The following SLC8A3 variants were observed in gnomAD, a reference collection of about 807,000 sequenced individuals.
The protein encoded by SLC8A3 is sodium/calcium exchanger 3.
Under a neutral mutation model 65.4 loss-of-function variants are expected in SLC8A3, and 37 were observed. The ratio of observed to expected loss-of-function variants is 0.57; its 90% CI spans 0.44 to 0.74. SLC8A3 has a LOEUF of 0.74. Ranked by LOEUF, SLC8A3 falls within the 30% of genes least tolerant of loss-of-function variation. The pLI is 0.00. For synonymous variants in SLC8A3, 461 were observed against 444.5 expected (o/e 1.04, Z -0.47); for missense variants, 1,112 against 1,172.1 (o/e 0.95, Z 0.75).
At chr14:70,079,656 C>G (rs1890866141) in intron 2 of SLC8A3, among the ~76,000 whole-genome samples, 1 of 152,064 alleles carries the variant, frequency 6.6e-6, no homozygotes, top group Non-Finnish European at 1.5e-5. Context: ...GCCATATAAT[C>G]ACGCACCCTG....
rs1566828762 is a variant in SLC8A3 at position 70,168,473 on chromosome 14, T to C, written c.-51A>G. 2.7e-6 allele frequency: 4 copies of C among 1,457,692 alleles called. No individual in the cohort carries two copies. Among genetic ancestry groups the C allele is most frequent in the South Asian group, 1.3e-5 (1 of 79,328 alleles). 90.3% of individuals were successfully genotyped at this position (1,457,692 alleles called of 1,614,324 possible). A position where few individuals can be genotyped will look rare whatever the true frequency, so the allele number is the denominator to read the frequency against. On this transcript the variant is annotated 5_prime_UTR_variant, in exon 2 of 7. Coordinates refer to ENST00000356921, the MANE Select transcript of SLC8A3 (RefSeq NM_182932.3). ...ATTGCAGCACCAGTTGTCCTCCTGA[T>C]AGGCCAGAGACCTAGAAAAGATCAG...
At chr14:70,158,330 A>G (rs934526532) in intron 2 of SLC8A3, among the ~76,000 whole-genome samples, 5 of 152,198 alleles carry the variant, frequency 3.3e-5, no homozygotes, top group Admixed American at 2.0e-4. Context: ...ACGTTTGGAG[A>G]TAGAAGTGGG....
intron 3 of SLC8A3, among the ~76,000 whole-genome samples, chr14:70,053,546 C>G (rs552660174): frequency 1.6e-4 from 25 of 152,330 alleles, no homozygotes; most frequent in Middle Eastern, 3.4e-3. Context: ...CCCCAATTCC[C>G]CCATGTCATA....
intron 1 of SLC8A3, among the ~76,000 whole-genome samples, chr14:70,173,674 T>G (rs17107925): frequency 6.6e-6 from 1 of 152,048 alleles, no homozygotes; most frequent in African/African-American, 2.4e-5. Flanking sequence ...CCTGCACAGG[T>G]GTCATAGCCA....
At chr14:70,133,187 T>C (rs76755789) in intron 2 of SLC8A3, among the ~76,000 whole-genome samples, 5,834 of 152,198 alleles carry the variant, frequency 0.038, 370 homozygotes, top group African/African-American at 0.13. Flanking sequence ...AAAATGGCCT[T>C]TACCATTTGT....
intron 2 of SLC8A3, among the ~76,000 whole-genome samples, chr14:70,157,205 A>G (rs1896625471): frequency 6.6e-6 from 1 of 152,168 alleles, no homozygotes; most frequent in Non-Finnish European, 1.5e-5. Flanking sequence ...GGGGTGTTGC[A>G]GACCTTAGAA....
intron 2 of SLC8A3, among the ~76,000 whole-genome samples, chr14:70,066,891 T>C (rs936665136): frequency 5.9e-5 from 9 of 152,106 alleles, no homozygotes; most frequent in African/African-American, 2.2e-4. Context: ...CCTAAGAGAT[T>C]TTCCTGTTCC....
chr14:70,176,221 C>G (rs988384334), intron 1 of SLC8A3, among the ~76,000 whole-genome samples: 12 of 152,214 alleles, frequency 7.9e-5, no homozygotes, highest in Admixed American at 2.6e-4. Context: ...GGCCAGAGAG[C>G]TAGGAAGAGA....
At chr14:70,120,822 G>A (rs73276750) in intron 2 of SLC8A3, among the ~76,000 whole-genome samples, 19,684 of 152,142 alleles carry the variant, frequency 0.13, 1,892 homozygotes, top group African/African-American at 0.27. Flanking sequence ...ATTAAACACC[G>A]TGCTGGGTAC....
chr14:70,168,224 T>C lies in SLC8A3; in HGVS notation c.199A>G (p.Asn67Asp), dbSNP rs1172315946. The change falls in exon 2 of 7, where the codon AAC (asparagine) becomes GAC (aspartate). Residue 67 changes from asparagine (N) to aspartate (D), a missense_variant. Physicochemically the swap from Asn to Asp is conservative, Grantham distance 23. Coordinates refer to ENST00000356921, the MANE Select transcript of SLC8A3 (RefSeq NM_182932.3). ...GCAATCTTGTCCCCAAGGGAAGGGT[T>C]CTCCGGGTACCAGATTGGCAGGATG... Reference protein sequence around the residue: ...GVILPIWYPENPSLGDKIARV... With the variant: ...GVILPIWYPEDPSLGDKIARV... The C allele has an allele frequency of 4.3e-6, 7 of 1,614,160 alleles. No individual in the cohort carries two copies. Among genetic ancestry groups the C allele is most frequent in the Non-Finnish European group, 5.1e-6 (6 of 1,180,014 alleles).
chr14:70,163,876 A>C (rs919161531), intron 2 of SLC8A3, among the ~76,000 whole-genome samples: 2 of 152,256 alleles, frequency 1.3e-5, no homozygotes, highest in Middle Eastern at 3.4e-3. Context: ...AACACATTAA[A>C]ATTTAAGAAC....
At chr14:70,049,213 C>G (rs557764924) in intron 5 of SLC8A3, among the ~76,000 whole-genome samples, 171 bp from the exon 6 acceptor site, 2 of 152,178 alleles carry the variant, frequency 1.3e-5, no homozygotes, top group Non-Finnish European at 2.9e-5. Context: ...AGTGGGGAAA[C>G]AATTTGGGCT....
At chr14:70,185,916 C>T (rs923471591) in intron 1 of SLC8A3, among the ~76,000 whole-genome samples, 1 of 152,182 alleles carries the variant, frequency 6.6e-6, no homozygotes, top group African/African-American at 2.4e-5. Flanking sequence ...GAGTAGGTGG[C>T]TGTTGAATAT....
chr14:70,083,346 C>G (rs578151083), intron 2 of SLC8A3, among the ~76,000 whole-genome samples: 3 of 152,276 alleles, frequency 2.0e-5, no homozygotes, highest in Non-Finnish European at 4.4e-5. Context: ...TTATCAAGGA[C>G]CTCACTTTAC....
At chr14:70,052,715 C>G (rs182985730) in intron 3 of SLC8A3, among the ~76,000 whole-genome samples, 1 of 152,038 alleles carries the variant, frequency 6.6e-6, no homozygotes, top group African/African-American at 2.4e-5. Context: ...CTTTTTATTC[C>G]CCTTTAATTA....
intron 3 of SLC8A3, among the ~76,000 whole-genome samples, chr14:70,056,261 C>G (rs1378594101): frequency 6.6e-6 from 1 of 152,192 alleles, no homozygotes; most frequent in African/African-American, 2.4e-5. Context: ...CAAAAATGAC[C>G]ATGGGGCTTG....
intron 2 of SLC8A3, among the ~76,000 whole-genome samples, chr14:70,135,757 G>A (rs1895153845): frequency 6.6e-6 from 1 of 152,140 alleles, no homozygotes; most frequent in African/African-American, 2.4e-5. Context: ...AGGGAAGTGG[G>A]AAGGAGGACA....
chr14:70,086,548 C>CCCG, intron 2 of SLC8A3, among the ~76,000 whole-genome samples: 1 of 151,820 alleles, frequency 6.6e-6, no homozygotes, highest in South Asian at 2.1e-4. Flanking sequence ...ATTACAGGAG[C>CCCG]CCGCCACCAC....
At chr14:70,119,649 T>C (rs1595017314) in intron 2 of SLC8A3, among the ~76,000 whole-genome samples, 1 of 152,232 alleles carries the variant, frequency 6.6e-6, no homozygotes, top group East Asian at 1.9e-4. Context: ...ATCATGAGCC[T>C]GAGCTCTGGA....
Sources: gnomAD v4.1 joint callset for allele counts (sites outside exome capture counted in the v4.1 genomes callset) on GRCh38, gnomAD v4.1.1 for gene constraint, MANE v1.5 for transcripts, NCBI Gene and HGNC (gene_info 2026-07-23, HGNC 2026-07-21) for gene names.